PRH1: variants seen among roughly 807,000 people sequenced by gnomAD.
PRH1 encodes the protein salivary acidic proline-rich phosphoprotein 1/2.
Under a neutral mutation model 7.9 loss-of-function variants are expected in PRH1, and 7 were observed. The observed-to-expected ratio is 0.89, with a 90% CI of 0.50 to 1.67. The LOEUF is 1.67. PRH1 is among the 40% of genes most tolerant of loss of function. The probability of loss-of-function intolerance (pLI) is 0.00; values close to 1 mark genes in which losing one functional copy is unlikely to be tolerated. For synonymous variants in PRH1, 45 were observed against 80.8 expected (o/e 0.56, Z 2.38); for missense variants, 109 against 223.6 (o/e 0.49, Z 3.27).
chr12:10,964,009 A>G (rs983538526), intron 2 of PRH1, among the ~76,000 whole-genome samples: 14 of 152,252 alleles, frequency 9.2e-5, no homozygotes, highest in Non-Finnish European at 2.1e-4. Context: ...GTACATACGT[A>G]TGGTACAAAT....
At chr12:11,065,883 T>C (rs1943787483) in intron 1 of PRH1, among the ~76,000 whole-genome samples, 3 of 152,266 alleles carry the variant, frequency 2.0e-5, no homozygotes, top group South Asian at 4.1e-4. Context: ...GGATAGTAGC[T>C]TGTCTGTTGC....
chr12:10,939,009 A>C, intron 2 of PRH1: 1 of 1,613,672 alleles, frequency 6.2e-7, no homozygotes, highest in South Asian at 1.1e-5. Context: ...ACAGACACAC[A>C]CCAGCTTCCG....
At chr12:10,916,844 T>C (rs1187180982) in intron 2 of PRH1, among the ~76,000 whole-genome samples, 2 of 151,702 alleles carry the variant, frequency 1.3e-5, no homozygotes, top group South Asian at 2.1e-4. Context: ...GCCCAGGAGT[T>C]TGAGACCAGC....
chr12:11,033,796 T>C (rs1487284630), intron 1 of PRH1, among the ~76,000 whole-genome samples: 2 of 152,192 alleles, frequency 1.3e-5, no homozygotes, highest in Non-Finnish European at 2.9e-5. Flanking sequence ...CTATGAGATA[T>C]TTCTCCTAAT....
intron 2 of PRH1, among the ~76,000 whole-genome samples, chr12:10,917,104 G>C (rs2135840051): frequency 6.6e-6 from 1 of 151,966 alleles, no homozygotes; most frequent in East Asian, 1.9e-4. Context: ...GTATACATGG[G>C]TGAGACTCAT....
At chr12:11,025,021 A>AT (rs34435271) in intron 1 of PRH1, among the ~76,000 whole-genome samples, 58,978 of 139,326 alleles carry the variant, frequency 0.42, 13,239 homozygotes, top group East Asian at 0.69. Context: ...ATTGTCATTA[A>AT]TTTTTTTTTT....
intron 1 of PRH1, among the ~76,000 whole-genome samples, chr12:11,145,253 G>A (rs765354790): frequency 1.3e-5 from 2 of 152,168 alleles, no homozygotes; most frequent in Non-Finnish European, 1.5e-5. Context: ...ATACAGTGGC[G>A]CAATCTCGGG....
intron 1 of PRH1, among the ~76,000 whole-genome samples, chr12:11,038,708 A>G (rs1425937508): frequency 6.6e-6 from 1 of 152,228 alleles, no homozygotes; most frequent in Non-Finnish European, 1.5e-5. Context: ...CATTTGGAGG[A>G]CTTCTCAACT....
chr12:10,928,733 A>G (rs111636592), intron 2 of PRH1, among the ~76,000 whole-genome samples: 3 of 152,278 alleles, frequency 2.0e-5, no homozygotes, highest in Non-Finnish European at 2.9e-5. Flanking sequence ...AAGCATCTCT[A>G]TTACATGAAA....
At chr12:11,139,152 T>C (rs1946637262) in intron 1 of PRH1, among the ~76,000 whole-genome samples, 1 of 152,254 alleles carries the variant, frequency 6.6e-6, no homozygotes, top group Admixed American at 6.5e-5. Flanking sequence ...ATATGCTGTA[T>C]CACCCTGAAT....
At chr12:11,064,663 CCAA>C (rs767050240) in intron 1 of PRH1, among the ~76,000 whole-genome samples, 3 of 152,180 alleles carry the variant, frequency 2.0e-5, no homozygotes, top group South Asian at 4.1e-4. Context: ...TATAATTACC[CCAA>C]CAAGACATTA....
At chr12:11,050,868 A>G (rs1279764848), upstream of PRH1, among the ~76,000 whole-genome samples, 1 of 152,230 alleles carries the variant, frequency 6.6e-6, no homozygotes, top group Non-Finnish European at 1.5e-5. Flanking sequence ...CCGTGAGAAC[A>G]TCATCTGGTG....
chr12:10,964,223 C>CT (rs1417345755), intron 2 of PRH1, among the ~76,000 whole-genome samples: 1 of 152,162 alleles, frequency 6.6e-6, no homozygotes, highest in African/African-American at 2.4e-5. Context: ...GCCACTCTCT[C>CT]TTAAGTGTTT....
At chr12:11,021,278 G>A (rs1355058715) in intron 1 of PRH1, among the ~76,000 whole-genome samples, 1 of 152,000 alleles carries the variant, frequency 6.6e-6, no homozygotes, top group African/African-American at 2.4e-5. Flanking sequence ...ACCAATGATA[G>A]TTAAGCACAT....
chr12:11,160,966 G>C (rs1383176660), intron 1 of PRH1, among the ~76,000 whole-genome samples: 2 of 152,068 alleles, frequency 1.3e-5, no homozygotes, highest in Admixed American at 6.6e-5. Context: ...TAAATTTCAT[G>C]TTCTACTCTT....
chr12:11,065,100 G>C (rs1226550460), intron 1 of PRH1, among the ~76,000 whole-genome samples: 1 of 151,912 alleles, frequency 6.6e-6, no homozygotes, highest in East Asian at 1.9e-4. Context: ...ATCATTTTAA[G>C]TTTCTGTTTA....
chr12:10,986,259 G>C, intron 1 of PRH1: 3 of 1,614,048 alleles, frequency 1.9e-6, no homozygotes, highest in African/African-American at 1.3e-5. Flanking sequence ...TTTACACAGA[G>C]AACAGATTAG....
At chr12:11,010,080 C>A (rs11054161) in intron 1 of PRH1, among the ~76,000 whole-genome samples, 46,260 of 151,712 alleles carry the variant, frequency 0.3, 8,921 homozygotes, top group East Asian at 0.74. Context: ...TTCTTATAGC[C>A]TTCAATGGAT....
upstream of PRH1, among the ~76,000 whole-genome samples, chr12:11,051,544 T>C (rs1049594892): frequency 6.6e-6 from 1 of 151,392 alleles, no homozygotes; most frequent in Non-Finnish European, 1.5e-5. Flanking sequence ...AGACATGGAA[T>C]GTTGCTAACA....
Sources: allele counts gnomAD v4.1 joint callset (sites outside exome capture counted in the v4.1 genomes callset), GRCh38; gene constraint gnomAD v4.1.1; transcripts MANE v1.5; gene names NCBI Gene and HGNC (gene_info 2026-07-23, HGNC 2026-07-21).